The following NYAP2 variants were observed in gnomAD, a reference collection of about 807,000 sequenced individuals.
The protein encoded by NYAP2 is neuronal tyrosine-phosphorylated phosphoinositide-3-kinase adaptor 2, also known as neuronal tyrosine-phosphorylated phosphoinositide-3-kinase adapter 2.
NYAP2 carries 23 observed loss-of-function variants against 50.4 expected under a neutral mutation model. The observed-to-expected ratio is 0.46, with a 90% CI of 0.33 to 0.65. NYAP2 has a LOEUF of 0.65. NYAP2 is among the 30% of genes least tolerant of loss of function. The pLI is 0.02. For missense variants in NYAP2, 885 were observed against 861.0 expected (o/e 1.03, Z -0.35); for synonymous variants, 394 against 365.2 (o/e 1.08, Z -0.90).
chr2:225,544,472 T>C (rs1470689876), intron 4 of NYAP2, among the ~76,000 whole-genome samples: 1 of 152,076 alleles, frequency 6.6e-6, no homozygotes, highest in Non-Finnish European at 1.5e-5. Context: ...TTGTAAATAC[T>C]GTGTTAGAAC....
chr2:225,559,460 G>T (rs540604500), intron 4 of NYAP2, among the ~76,000 whole-genome samples: 43 of 152,152 alleles, frequency 2.8e-4, no homozygotes, highest in Non-Finnish European at 4.4e-4. Flanking sequence ...GATGCCTGAA[G>T]TGGCTTACTG....
rs371568593 is a variant in NYAP2, at chr2:225,582,920, C to G, written c.1503C>G (p.Gly501=). Residue 501 remains glycine (G), a synonymous_variant, in exon 5 of 7, where the codon GGC becomes GGG. Transcript: ENST00000636099. The surrounding 1 kb of genome is among the most constrained non-coding windows in gnomAD (Gnocchi z 7.0). The stretch of plus-strand genomic sequence containing the variant: ...ACACCTACGGGGCAGCCCCGGGTGG[C>G]TCCCGGTCCCGGACACCCACGAGCC... The G allele has an allele frequency of 1.2e-6, 2 of 1,613,014 alleles. No homozygotes were observed. The highest frequency in any genetic ancestry group is 3.3e-5 in the Admixed American group (2 of 60,016).
chr2:225,472,308 C>G (rs1690024728), intron 3 of NYAP2, among the ~76,000 whole-genome samples: 1 of 152,190 alleles, frequency 6.6e-6, no homozygotes, highest in Non-Finnish European at 1.5e-5. Context: ...TCATGTTTGC[C>G]TATGCATGTT....
intron 5 of NYAP2, among the ~76,000 whole-genome samples, chr2:225,596,917 G>A (rs931724964): frequency 2.6e-5 from 4 of 152,104 alleles, no homozygotes; most frequent in Non-Finnish European, 5.9e-5. Context: ...CCATTTGCAG[G>A]TTAATTTTCA....
intron 3 of NYAP2, among the ~76,000 whole-genome samples, chr2:225,511,556 C>T (rs1364352134): frequency 1.3e-5 from 2 of 152,008 alleles, no homozygotes; most frequent in African/African-American, 2.4e-5. Flanking sequence ...GTACTCCGTG[C>T]TTAGTGTCTG....
chr2:225,468,290 C>T (rs1016740398), intron 3 of NYAP2, among the ~76,000 whole-genome samples: 7 of 151,858 alleles, frequency 4.6e-5, no homozygotes, highest in African/African-American at 9.7e-5. Context: ...CATGTGTAGA[C>T]GTAGGCAGAG....
Position 225,518,775 on chromosome 2 carries a change from T to C in NYAP2, c.523+5103T>C, listed in dbSNP as rs1690989161. On this transcript the variant is annotated intron_variant, in intron 4 of 6. Transcript: ENST00000636099. ...GGCTTACACCTATAATCCCAGCACTTTAGGAGGCCTAGACAGGTGGATTAT... is the reference window on the plus strand; with the variant it reads ...GGCTTACACCTATAATCCCAGCACTCTAGGAGGCCTAGACAGGTGGATTAT... 2.0e-5 allele frequency among the ~76,000 whole-genome samples: 3 copies of C among 151,410 alleles called. No individual in the cohort carries two copies. The Admixed American group carries it at 2.0e-4, about 10-fold the overall frequency.
At chr2:225,596,916 G>T (rs921727642) in intron 5 of NYAP2, among the ~76,000 whole-genome samples, 8 of 152,088 alleles carry the variant, frequency 5.3e-5, no homozygotes, top group African/African-American at 1.9e-4. Context: ...TCCATTTGCA[G>T]GTTAATTTTC....
chr2:225,673,456 T>A, the NYAP2 span, among the ~76,000 whole-genome samples: 1 of 92,362 alleles, frequency 1.1e-5, no homozygotes, highest in East Asian at 3.1e-4. Flanking sequence ...AAATCTTCAA[T>A]TTATTTAAAA....
At chr2:225,692,776 T>C in the NYAP2 span, among the ~76,000 whole-genome samples, 1 of 152,018 alleles carries the variant, frequency 6.6e-6, no homozygotes, top group Non-Finnish European at 1.5e-5. Context: ...TTTAGCTCTT[T>C]CCATGATACC....
intron 5 of NYAP2, among the ~76,000 whole-genome samples, chr2:225,609,642 GGATGA>G (rs1024607761): frequency 1.3e-5 from 2 of 152,142 alleles, no homozygotes; most frequent in African/African-American, 4.8e-5. Context: ...AGAGGTAACA[GGATGA>G]GAATCAGAGT....
chr2:225,404,542 T>A (rs1320792953), intron 2 of NYAP2, among the ~76,000 whole-genome samples: 1 of 151,974 alleles, frequency 6.6e-6, no homozygotes, highest in Non-Finnish European at 1.5e-5. Flanking sequence ...CAATAAACAG[T>A]TAAATGCTTA....
chr2:225,637,216 C>T (rs1244587381), intron 6 of NYAP2, among the ~76,000 whole-genome samples: 1 of 152,082 alleles, frequency 6.6e-6, no homozygotes, highest in Non-Finnish European at 1.5e-5. Flanking sequence ...TGTGTTAAAC[C>T]ATCATGTTTT....
chr2:225,519,711 G>T, intron 4 of NYAP2, among the ~76,000 whole-genome samples: 1 of 152,144 alleles, frequency 6.6e-6, no homozygotes, highest in Non-Finnish European at 1.5e-5. Context: ...TTGCTATTAT[G>T]AATAGTGCTG....
intron 2 of NYAP2, 106 bp from the exon 3 acceptor site, chr2:225,408,758 C>A (rs149642323): frequency 2.0e-5 from 12 of 602,002 alleles, no homozygotes; most frequent in African/African-American, 1.7e-4. Flanking sequence ...TTTCTCCAAT[C>A]GGATTTGGCC....
At chr2:225,438,824 G>A (rs1689424298) in intron 3 of NYAP2, among the ~76,000 whole-genome samples, 2 of 152,176 alleles carry the variant, frequency 1.3e-5, no homozygotes, top group South Asian at 4.1e-4. Context: ...ATCAAACAAG[G>A]TTTCCTGGGA....
At chr2:225,482,528 A>T (rs1205289399) in intron 3 of NYAP2, among the ~76,000 whole-genome samples, 1 of 152,178 alleles carries the variant, frequency 6.6e-6, no homozygotes, top group African/African-American at 2.4e-5. Flanking sequence ...GCTACTAATG[A>T]TGGGTCACTT....
chr2:225,659,542 A>G, the NYAP2 span, among the ~76,000 whole-genome samples: 1 of 152,158 alleles, frequency 6.6e-6, no homozygotes, highest in Non-Finnish European at 1.5e-5. Flanking sequence ...GTATTTATTA[A>G]ATGTCAAAGG....
At chr2:225,545,403 C>T (rs1691556088) in intron 4 of NYAP2, among the ~76,000 whole-genome samples, 1 of 151,836 alleles carries the variant, frequency 6.6e-6, no homozygotes, top group Admixed American at 6.6e-5. Flanking sequence ...CTCCTCTGAC[C>T]ATGTCTTTTC....
Sources: gnomAD v4.1 joint callset for allele counts (sites outside exome capture counted in the v4.1 genomes callset) on GRCh38, gnomAD v4.1.1 for gene constraint, Gnocchi (gnomAD v3.1) non-coding constraint, MANE v1.5 for transcripts, NCBI Gene and HGNC (gene_info 2026-07-23, HGNC 2026-07-21) for gene names.